Variants in CADM2 observed in about 807,000 individuals in gnomAD.
The protein encoded by CADM2 is cell adhesion molecule 2.
In CADM2, 12 loss-of-function variants were observed where a neutral mutation model predicts 49.8. That is an observed-to-expected ratio of 0.24 (90% CI 0.15 to 0.39). CADM2 has a LOEUF of 0.39. Ranked by LOEUF, CADM2 falls within the 10% of genes least tolerant of loss-of-function variation. The pLI is 1.00. For missense variants in CADM2, 378 were observed against 492.3 expected, an observed-to-expected ratio of 0.77 and a Z score of 2.20; for synonymous variants, 214 against 175.4, an observed-to-expected ratio of 1.22 and a Z score of -1.74.
At chr3:85,820,880 C>T (rs1477183551) in intron 3 of CADM2, among the ~76,000 whole-genome samples, 1 of 152,088 alleles carries the variant, frequency 6.6e-6, no homozygotes, top group Non-Finnish European at 1.5e-5. Flanking sequence ...GGAGACAGCA[C>T]TTGAATCATG....
chr3:84,978,575 C>A (rs2031973325), intron 1 of CADM2, among the ~76,000 whole-genome samples: 1 of 152,064 alleles, frequency 6.6e-6, no homozygotes. Context: ...ACTTAAAGCA[C>A]AATACCAGTG....
chr3:85,194,818 G>T (rs1343645327), intron 1 of CADM2, among the ~76,000 whole-genome samples: 1 of 151,886 alleles, frequency 6.6e-6, no homozygotes, highest in African/African-American at 2.4e-5. Context: ...TAATATTACA[G>T]TTTTTCCAAG....
chr3:85,352,781 C>T (rs1261077960), intron 1 of CADM2, among the ~76,000 whole-genome samples: 1 of 152,050 alleles, frequency 6.6e-6, no homozygotes, highest in South Asian at 2.1e-4. Context: ...ATGTCAAATC[C>T]AACCTAGCTT....
At chr3:85,457,823 T>G (rs192110369) in intron 1 of CADM2, among the ~76,000 whole-genome samples, 121 of 152,314 alleles carry the variant, frequency 7.9e-4, no homozygotes, top group African/African-American at 2.9e-3. Context: ...TCAAAAAGTC[T>G]TGATATTTTT....
At chr3:85,443,835 A>G (rs1373549599) in intron 1 of CADM2, among the ~76,000 whole-genome samples, 1 of 152,014 alleles carries the variant, frequency 6.6e-6, no homozygotes, top group Non-Finnish European at 1.5e-5. Context: ...AAGGTCATCT[A>G]TATGCCGGCA....
chr3:85,672,628 T>C (rs1181697878), intron 1 of CADM2, among the ~76,000 whole-genome samples: 5 of 152,180 alleles, frequency 3.3e-5, no homozygotes, highest in Non-Finnish European at 7.3e-5. Context: ...TCCTTGAGTT[T>C]CTGATAATTT....
At chr3:85,229,603 G>A (rs1360939856) in intron 1 of CADM2, among the ~76,000 whole-genome samples, 1 of 152,142 alleles carries the variant, frequency 6.6e-6, no homozygotes, top group Non-Finnish European at 1.5e-5. Context: ...CCTGACAAAT[G>A]TTTTTAAAGG....
At chr3:85,504,114 G>T (rs532869720) in intron 1 of CADM2, among the ~76,000 whole-genome samples, 10 of 152,248 alleles carry the variant, frequency 6.6e-5, no homozygotes, top group Admixed American at 6.5e-4. Flanking sequence ...TCTTAAAGGC[G>T]GCGTGTCCGG....
chr3:85,468,175 A>AC (rs1285267719), intron 1 of CADM2, among the ~76,000 whole-genome samples: 6 of 151,316 alleles, frequency 4.0e-5, no homozygotes, highest in African/African-American at 1.5e-4. Flanking sequence ...AAAAAAAAAA[A>AC]AAAAAACATT....
chr3:85,413,321 TA>T (rs1428459388), intron 1 of CADM2, among the ~76,000 whole-genome samples: 1 of 151,834 alleles, frequency 6.6e-6, no homozygotes, highest in Non-Finnish European at 1.5e-5. Flanking sequence ...TGCATATCAC[TA>T]AAATGAAGAA....
chr3:85,544,465 G>C (rs1289886968), intron 1 of CADM2, among the ~76,000 whole-genome samples: 1 of 152,052 alleles, frequency 6.6e-6, no homozygotes, highest in Admixed American at 6.6e-5. Context: ...TAGTCCCAGC[G>C]ACTGGGGAGG....
intron 8 of CADM2, chr3:85,992,789 G>A (rs1262691533): frequency 6.6e-6 from 1 of 152,182 alleles, no homozygotes; most frequent in African/African-American, 2.4e-5. Context: ...TTGCTTTGAT[G>A]TTGATGGCTG....
intron 2 of CADM2, among the ~76,000 whole-genome samples, chr3:85,734,978 A>ATATGTGTG (rs1553675925): frequency 1.3e-5 from 2 of 148,232 alleles, no homozygotes; most frequent in African/African-American, 2.5e-5. Flanking sequence ...AAATATATAT[A>ATATGTGTG]TGTGTGTGTG....
intron 2 of CADM2, among the ~76,000 whole-genome samples, chr3:85,742,307 T>C (rs2068425348): frequency 6.6e-6 from 1 of 152,202 alleles, no homozygotes; most frequent in African/African-American, 2.4e-5. Flanking sequence ...ATGTTATAGA[T>C]GTTATACATA....
chr3:86,049,210 A>G (rs185647098), intron 8 of CADM2, among the ~76,000 whole-genome samples: 3 of 152,068 alleles, frequency 2.0e-5, no homozygotes, highest in Admixed American at 1.3e-4. Flanking sequence ...GTATTAGTCC[A>G]TTCTCACATT....
intron 1 of CADM2, among the ~76,000 whole-genome samples, chr3:85,367,712 A>T (rs1307519999): frequency 6.6e-6 from 1 of 151,884 alleles, no homozygotes; most frequent in Non-Finnish European, 1.5e-5. Flanking sequence ...ACTTTTGCCC[A>T]TTTTCATCCC....
chr3:85,569,662 T>C (rs1208662589), intron 1 of CADM2, among the ~76,000 whole-genome samples: 3 of 149,370 alleles, frequency 2.0e-5, no homozygotes, highest in Non-Finnish European at 4.4e-5. Flanking sequence ...ATGGGATGAT[T>C]GGTTAGATCA....
chr3:85,687,476 G>C (rs2066251158), intron 1 of CADM2, among the ~76,000 whole-genome samples: 1 of 151,980 alleles, frequency 6.6e-6, no homozygotes, highest in Admixed American at 6.6e-5. Flanking sequence ...AAATATGATA[G>C]AATGAATTAC....
chr3:85,164,292 G>A (rs913627417), intron 1 of CADM2, among the ~76,000 whole-genome samples: 2 of 151,948 alleles, frequency 1.3e-5, no homozygotes, highest in Non-Finnish European at 2.9e-5. Context: ...GTTTAGTTAC[G>A]TCCTGAGATT....
Sources: gnomAD v4.1 joint callset for allele counts (sites outside exome capture counted in the v4.1 genomes callset) on GRCh38, gnomAD v4.1.1 for gene constraint, MANE v1.5 for transcripts, NCBI Gene and HGNC (gene_info 2026-07-23, HGNC 2026-07-21) for gene names.